Variants in ARMC9 observed in about 807,000 individuals in gnomAD.
ARMC9 encodes armadillo repeat containing 9.
A neutral mutation model predicts 107.0 loss-of-function variants in ARMC9; 94 were observed. The observed-to-expected ratio is 0.88, with a 90% CI of 0.74 to 1.04. ARMC9 has a LOEUF of 1.04. Among genes scored for constraint, ARMC9 ranks in the 50% least tolerant of loss-of-function variants. The pLI, the probability that ARMC9 is intolerant of heterozygous loss-of-function variation, is 0.00. For missense variants in ARMC9, 942 were observed against 1,030.1 expected (o/e 0.91, Z 1.17); for synonymous variants, 380 against 396.9 (o/e 0.96, Z 0.51).
Position 231,371,910 on chromosome 2 carries a change from C to T in ARMC9, c.*375C>T, listed in dbSNP as rs1489073671. The T allele has an allele frequency of 4.5e-6, 1 of 223,212 alleles. No homozygotes were observed. The highest frequency in any genetic ancestry group is 8.8e-5 in the East Asian group (1 of 11,338). 13.8% of individuals were successfully genotyped at this position (223,212 alleles called of 1,614,324 possible). ...GGCCCTCCAGGCCCCAACAGGGCGA[C>T]AGTGTAGGGCCAGCCTGGAGCAGGG... On this transcript the variant is annotated 3_prime_UTR_variant, in exon 25 of 25. Transcript: ENST00000611582.
chr2:231,341,210 A>C (rs994806936), intron 20 of ARMC9, among the ~76,000 whole-genome samples: 1 of 152,218 alleles, frequency 6.6e-6, no homozygotes, highest in African/African-American at 2.4e-5. Context: ...ACACATACAT[A>C]AAATGACCAT....
At chr2:231,256,170 G>C in intron 9 of ARMC9, 1 of 1,534,074 alleles carries the variant, frequency 6.5e-7, no homozygotes, top group East Asian at 2.4e-5. Context: ...GGCTCTCAGG[G>C]ACAGTGCACG....
intron 20 of ARMC9, 150 bp from the exon 21 acceptor site, chr2:231,344,825 A>T: frequency 1.2e-6 from 1 of 818,442 alleles, no homozygotes; most frequent in Non-Finnish European, 1.9e-6. Context: ...ATTTCTGTTT[A>T]CCTGAATAAT....
chr2:231,212,136 C>A (rs549829133), intron 3 of ARMC9, among the ~76,000 whole-genome samples: 4 of 152,292 alleles, frequency 2.6e-5, no homozygotes, highest in South Asian at 4.1e-4. Context: ...AGTAGTGTTA[C>A]GTATGTTTAC....
At chr2:231,336,141 G>A (rs1030825306) in intron 20 of ARMC9, among the ~76,000 whole-genome samples, 29 of 150,706 alleles carry the variant, frequency 1.9e-4, no homozygotes, top group Admixed American at 2.0e-4. Flanking sequence ...TAAGAAGAAT[G>A]CCCTGACTTA....
chr2:231,231,521 T>C lies in ARMC9; in HGVS notation c.623-3703T>C, dbSNP rs370777973. Among the ~76,000 whole-genome samples, 802 of 151,916 alleles carry C rather than the reference T, an allele frequency of 5.3e-3. 10 individuals are homozygous for C. The highest frequency in any genetic ancestry group is 0.019 in the African/African-American group (769 of 41,390). On this transcript the variant is annotated intron_variant, in intron 7 of 24. Transcript: ENST00000611582. ...GCCTCGGCCACCTGAGTAGCTGGGA[T>C]TACAGGCGCATGCCACCATGCCCAG...
At chr2:231,323,204 G>A (rs1456256804) in intron 19 of ARMC9, among the ~76,000 whole-genome samples, 1 of 152,078 alleles carries the variant, frequency 6.6e-6, no homozygotes, top group East Asian at 1.9e-4. Flanking sequence ...AAAAAAAATG[G>A]GGGGAGAACT....
At chr2:231,329,994 T>C (rs2125554258) in intron 19 of ARMC9, among the ~76,000 whole-genome samples, 1 of 152,306 alleles carries the variant, frequency 6.6e-6, no homozygotes, top group African/African-American at 2.4e-5. Context: ...TCCAGCACTA[T>C]TTGATGAGAT....
intron 9 of ARMC9, among the ~76,000 whole-genome samples, chr2:231,251,454 T>G (rs2125394883): frequency 6.6e-6 from 1 of 152,274 alleles, no homozygotes; most frequent in East Asian, 1.9e-4. Context: ...TGTGAGCCAC[T>G]GCACCCGGCC....
At chr2:231,221,484 T>C (rs1331958831) in intron 5 of ARMC9, among the ~76,000 whole-genome samples, 2 of 152,244 alleles carry the variant, frequency 1.3e-5, no homozygotes, top group African/African-American at 4.8e-5. Flanking sequence ...ACACACCTTA[T>C]AAACAAAGTT....
At chr2:231,281,467 C>T (rs1295928569) in intron 16 of ARMC9, among the ~76,000 whole-genome samples, 18 of 152,098 alleles carry the variant, frequency 1.2e-4, no homozygotes, top group Non-Finnish European at 8.8e-5. Context: ...TGTGCCACAC[C>T]AAGGAGTTCC....
chr2:231,371,399 A>G, intron 24 of ARMC9, 114 bp from the exon 25 acceptor site: 1 of 1,204,754 alleles, frequency 8.3e-7, no homozygotes, highest in Non-Finnish European at 1.1e-6. Context: ...GTGACCTGGG[A>G]GAGGGAAGGT....
chr2:231,346,500 G>A (rs903153727), intron 21 of ARMC9, among the ~76,000 whole-genome samples: 1 of 152,144 alleles, frequency 6.6e-6, no homozygotes, highest in Admixed American at 6.5e-5. Flanking sequence ...CAGCCTGGGC[G>A]ATAGAGTGAC....
At position 231,271,004 on chromosome 2, in the gene ARMC9, A is replaced by C; in HGVS notation, c.1142A>C (p.His381Pro). ...HNQRSVLQLL[H>P]STSDVVRQYM... ...CAGAGGAGTGTGCTTCAGTTGCTGC[A>C]CTCCACGAGCGACGTGGTGCGGCAG... Residue 381 changes from histidine to proline, a missense_variant, in exon 13 of 25, where the codon CAC becomes CCC. By Grantham distance (77) the His-to-Pro change is moderately conservative (BLOSUM62 -2). Coordinates refer to ENST00000611582, the MANE Select transcript of ARMC9 (RefSeq NM_001352754.2). 1 of 1,613,976 alleles carries C rather than the reference A, an allele frequency of 6.2e-7. No homozygotes were observed. Among genetic ancestry groups the C allele is most frequent in the Non-Finnish European group, 8.5e-7 (1 of 1,180,002 alleles).
At chr2:231,330,808 T>A (rs2043681535) in intron 19 of ARMC9, among the ~76,000 whole-genome samples, 1 of 132,214 alleles carries the variant, frequency 7.6e-6, no homozygotes, top group Non-Finnish European at 1.5e-5. Context: ...GAAGCAGGCT[T>A]TGGGTAAAGG....
chr2:231,240,301 G>A, intron 9 of ARMC9: 1 of 511,422 alleles, frequency 2.0e-6, no homozygotes, highest in South Asian at 2.5e-5. Context: ...CCCAGGGTTG[G>A]GGATCAGTAG....
intron 3 of ARMC9, among the ~76,000 whole-genome samples, chr2:231,211,322 C>A (rs1024086514): frequency 2.0e-5 from 3 of 151,026 alleles, no homozygotes; most frequent in Non-Finnish European, 4.4e-5. Flanking sequence ...GGAGTTCAAG[C>A]CCAGCCTGAC....
chr2:231,352,257 C>T (rs889171078), intron 21 of ARMC9, among the ~76,000 whole-genome samples: 7 of 152,004 alleles, frequency 4.6e-5, no homozygotes, highest in South Asian at 2.1e-4. Context: ...CCACTATGCC[C>T]AGCCCAGCCA....
intron 23 of ARMC9, among the ~76,000 whole-genome samples, chr2:231,363,668 CG>C (rs1349584991): frequency 6.6e-6 from 1 of 151,972 alleles, no homozygotes; most frequent in Non-Finnish European, 1.5e-5. Flanking sequence ...GGGCGGACAA[CG>C]AGGTCAAGAG....
Sources: allele counts gnomAD v4.1 joint callset (sites outside exome capture counted in the v4.1 genomes callset), GRCh38; gene constraint gnomAD v4.1.1; transcripts MANE v1.5; gene names NCBI Gene and HGNC (gene_info 2026-07-23, HGNC 2026-07-21).